Variants in DOCK4 observed in about 807,000 individuals in gnomAD.
The protein encoded by DOCK4 is dedicator of cytokinesis 4.
A neutral mutation model predicts 268.1 loss-of-function variants in DOCK4; 97 were observed. The ratio of observed to expected loss-of-function variants is 0.36; its 90% CI spans 0.31 to 0.43. The LOEUF (loss-of-function observed/expected upper bound fraction) is 0.43, where lower values mean the gene tolerates loss of function less well. Among genes scored for constraint, DOCK4 ranks in the 20% least tolerant of loss-of-function variants. The pLI is 1.00. For missense variants in DOCK4, 2,145 were observed against 2,455.7 expected (o/e 0.87, Z 2.67); for synonymous variants, 954 against 887.2 (o/e 1.08, Z -1.34).
rs558073794 is a variant in DOCK4, at chr7:112,109,074, G to C, written c.37+97028C>G. On this transcript the variant is annotated intron_variant, in intron 1 of 52. Coordinates refer to ENST00000428084, the MANE Select transcript of DOCK4 (RefSeq NM_001363540.2). ...GGAACGTGCCTTTGCCTCTCTTGAT[G>C]GATTTATCTCAATAAGAGATGTTCT... Among the ~76,000 whole-genome samples the C allele has an allele frequency of 3.9e-5, 6 of 152,196 alleles. 1 individual carries two copies. The East Asian group carries it at 1.2e-3, about 29-fold the overall frequency.
intron 1 of DOCK4, among the ~76,000 whole-genome samples, chr7:112,040,756 A>T (rs1378689620): frequency 6.6e-6 from 1 of 152,222 alleles, no homozygotes; most frequent in East Asian, 1.9e-4. Flanking sequence ...AACCAAAAAA[A>T]AAGTATCATT....
intron 44 of DOCK4, 68 bp from the exon 45 acceptor site, chr7:111,742,200 C>T: frequency 6.8e-7 from 1 of 1,466,752 alleles, no homozygotes; most frequent in Non-Finnish European, 9.0e-7. Context: ...CTGCTATGGG[C>T]CGAGCACTTT....
intron 12 of DOCK4, among the ~76,000 whole-genome samples, chr7:111,920,514 A>G (rs1366313501): frequency 6.6e-6 from 1 of 152,168 alleles, no homozygotes; most frequent in East Asian, 1.9e-4. Flanking sequence ...GACACAGGGC[A>G]TGTTTGGAGA....
chr7:112,152,625 C>CTA (rs1410684626), intron 1 of DOCK4, among the ~76,000 whole-genome samples: 2 of 152,152 alleles, frequency 1.3e-5, no homozygotes, highest in African/African-American at 4.8e-5. Flanking sequence ...TCAAAACATA[C>CTA]TAAAGTCTTG....
At position 111,790,510 on chromosome 7, in the gene DOCK4, T is replaced by C. The variant is rs1329615904; in HGVS notation, c.3262A>G (p.Ile1088Val). The C allele has an allele frequency of 1.2e-5, 19 of 1,613,728 alleles. No homozygotes were observed. The highest frequency in any genetic ancestry group is 2.2e-5 in the South Asian group (2 of 91,060). ...QPDLRNVMIPIFHDMMDWEQR... is the reference protein window; with the variant it reads ...QPDLRNVMIPVFHDMMDWEQR... ...TCCCAGTCCATCATATCATGAAAAA[T>C]TGGAATCATGACATTCCGAAGATCT... The change falls in exon 31 of 53, where the codon ATT (isoleucine) becomes GTT (valine). Residue 1088 changes from isoleucine (I) to valine (V), a missense_variant. Transcript: ENST00000428084.
chr7:111,812,905 C>T (rs981368278), intron 27 of DOCK4, among the ~76,000 whole-genome samples: 1 of 152,206 alleles, frequency 6.6e-6, no homozygotes, highest in African/African-American at 2.4e-5. Flanking sequence ...CTGACCAATA[C>T]AGCCATAGGT....
chr7:111,798,666 G>A (rs1299709009), intron 30 of DOCK4, among the ~76,000 whole-genome samples: 1 of 152,214 alleles, frequency 6.6e-6, no homozygotes, highest in African/African-American at 2.4e-5. Flanking sequence ...TTAGCTAACA[G>A]CCAGTAAAAC....
At chr7:111,760,736 TTTTGTGTGTGTG>T (rs1171352713) in intron 39 of DOCK4, among the ~76,000 whole-genome samples, 35 of 123,190 alleles carry the variant, frequency 2.8e-4, no homozygotes, top group African/African-American at 9.8e-4. Context: ...GTTGTCTGCT[TTTTGTGTGTGTG>T]TGTGTGTGTG....
At chr7:111,804,354 G>A (rs1322682468) in intron 30 of DOCK4, among the ~76,000 whole-genome samples, 3 of 152,208 alleles carry the variant, frequency 2.0e-5, no homozygotes, top group African/African-American at 7.2e-5. Context: ...AATTCTGTAT[G>A]ATTCCACTTA....
chr7:111,792,807 T>C (rs936800674), intron 30 of DOCK4, among the ~76,000 whole-genome samples: 8 of 152,196 alleles, frequency 5.3e-5, no homozygotes, highest in African/African-American at 1.7e-4. Context: ...TGATTGGAAG[T>C]GCCTTGGGAA....
intron 12 of DOCK4, among the ~76,000 whole-genome samples, chr7:111,933,263 T>TATAC (rs1794395775): frequency 7.3e-6 from 1 of 137,800 alleles, no homozygotes; most frequent in Non-Finnish European, 1.6e-5. Flanking sequence ...TATACTTATA[T>TATAC]ATATATACAT....
intron 21 of DOCK4, 41 bp from the exon 22 acceptor site, chr7:111,868,195 A>T: frequency 6.8e-7 from 1 of 1,467,434 alleles, no homozygotes; most frequent in Non-Finnish European, 9.2e-7. Flanking sequence ...CAAAGGAGAC[A>T]AAGAGTATTT....
chr7:111,766,569 G>A (rs567360691), intron 38 of DOCK4, among the ~76,000 whole-genome samples: 47 of 152,272 alleles, frequency 3.1e-4, no homozygotes, highest in Non-Finnish European at 6.5e-4. Context: ...GTACTGAAAC[G>A]TTGATCTAAG....
chr7:112,002,224 C>T (rs1275196108), intron 2 of DOCK4, among the ~76,000 whole-genome samples: 1 of 152,208 alleles, frequency 6.6e-6, no homozygotes, highest in South Asian at 2.1e-4. Flanking sequence ...ATCAGAATCT[C>T]TATATCTCAG....
At chr7:111,935,236 C>A (rs1794634827) in intron 12 of DOCK4, 3 of 380,464 alleles carry the variant, frequency 7.9e-6, no homozygotes, top group South Asian at 6.4e-5. Context: ...GCGTGAGCCA[C>A]CGTGCCTGGC....
intron 16 of DOCK4, among the ~76,000 whole-genome samples, chr7:111,888,612 T>C (rs1463539396): frequency 1.3e-5 from 2 of 151,908 alleles, no homozygotes; most frequent in Non-Finnish European, 2.9e-5. Context: ...AGAGTTGAAG[T>C]GGCCAAGAAA....
At chr7:112,074,768 C>T (rs1807912627) in intron 1 of DOCK4, among the ~76,000 whole-genome samples, 1 of 152,176 alleles carries the variant, frequency 6.6e-6, no homozygotes, top group Non-Finnish European at 1.5e-5. Context: ...GAGATCTCAC[C>T]AACAGCTGGC....
chr7:112,086,473 C>A (rs560509789), intron 1 of DOCK4, among the ~76,000 whole-genome samples: 2 of 152,160 alleles, frequency 1.3e-5, no homozygotes, highest in East Asian at 3.9e-4. Flanking sequence ...ACCGAGAGCA[C>A]CAAAATTCAT....
intron 34 of DOCK4, 49 bp downstream of exon 34, chr7:111,783,808 T>C (rs2133766085): frequency 2.7e-6 from 4 of 1,467,060 alleles, no homozygotes; most frequent in African/African-American, 1.4e-5. Flanking sequence ...ATTTTCTAAC[T>C]GGAGTTCAGC....
Sources: gnomAD v4.1 joint callset for allele counts (sites outside exome capture counted in the v4.1 genomes callset) on GRCh38, gnomAD v4.1.1 for gene constraint, MANE v1.5 for transcripts, NCBI Gene and HGNC (gene_info 2026-07-23, HGNC 2026-07-21) for gene names.